Variants in TMEM71 observed in about 807,000 individuals in gnomAD.
TMEM71 encodes transmembrane protein 71.
Under a neutral mutation model 38.0 loss-of-function variants are expected in TMEM71, and 44 were observed. That is an observed-to-expected ratio of 1.16 (90% CI 0.91 to 1.49). The LOEUF is 1.49. TMEM71 is among the 40% of genes most tolerant of loss of function. TMEM71 has a pLI of 0.00. For missense variants in TMEM71, 367 were observed against 348.6 expected, an observed-to-expected ratio of 1.05 and a Z score of -0.42; for synonymous variants, 133 against 122.5, an observed-to-expected ratio of 1.09 and a Z score of -0.56.
the TMEM71 span, among the ~76,000 whole-genome samples, chr8:132,775,826 C>T: frequency 6.6e-6 from 1 of 152,110 alleles, no homozygotes. Flanking sequence ...TACCCCCCTG[C>T]GGAGGGCCGG....
At chr8:132,769,640 G>A in the TMEM71 span, among the ~76,000 whole-genome samples, 6 of 152,284 alleles carry the variant, frequency 3.9e-5, no homozygotes, top group South Asian at 1.2e-3. Flanking sequence ...GAAGAAACAT[G>A]AGAGAGATGA....
intron 7 of TMEM71, among the ~76,000 whole-genome samples, chr8:132,719,002 G>A (rs1826691026): frequency 6.6e-6 from 1 of 152,150 alleles, no homozygotes; most frequent in African/African-American, 2.4e-5. Context: ...ATATCCTTTG[G>A]AAATCTCTTT....
At chr8:132,723,581 T>C (rs920833599) in intron 6 of TMEM71, among the ~76,000 whole-genome samples, 4 of 152,362 alleles carry the variant, frequency 2.6e-5, no homozygotes, top group African/African-American at 7.2e-5. Context: ...CTTGTTCATA[T>C]CTCTGCTAAC....
chr8:132,758,156 A>T (rs1829137933), intron 2 of TMEM71: 1 of 152,244 alleles, frequency 6.6e-6, no homozygotes, highest in Non-Finnish European at 1.5e-5. Context: ...TCTTAATTAT[A>T]GAAACATCAT....
At chr8:132,712,038 G>A (rs559941434) in intron 9 of TMEM71, among the ~76,000 whole-genome samples, 1 of 151,950 alleles carries the variant, frequency 6.6e-6, no homozygotes, top group Non-Finnish European at 1.5e-5. Flanking sequence ...CAGAGCTCTT[G>A]GCTTTCAAGG....
downstream of TMEM71, among the ~76,000 whole-genome samples, chr8:132,707,992 A>C (rs1381516540): frequency 6.6e-6 from 1 of 152,170 alleles, no homozygotes; most frequent in African/African-American, 2.4e-5. Flanking sequence ...ATATTTACTG[A>C]ATGTATTAAT....
At chr8:132,756,372 C>A (rs1829002303) in intron 3 of TMEM71, among the ~76,000 whole-genome samples, 2 of 139,116 alleles carry the variant, frequency 1.4e-5, no homozygotes, top group Admixed American at 7.4e-5. Context: ...ACCAGAGAAA[C>A]AATTCACAAC....
intron 5 of TMEM71, 123 bp from the exon 6 acceptor site, chr8:132,728,109 C>A (rs750862226): frequency 1.5e-6 from 1 of 667,720 alleles, no homozygotes; most frequent in African/African-American, 1.8e-5. Flanking sequence ...AATATTGATA[C>A]GGTATTGCAC....
chr8:132,762,555 G>T (rs1202543127), upstream of TMEM71, among the ~76,000 whole-genome samples: 1 of 151,960 alleles, frequency 6.6e-6, no homozygotes, highest in African/African-American at 2.4e-5. Flanking sequence ...ACTTTAAGGA[G>T]TGCTTACTAT....
chr8:132,754,022 T>C (rs1466182282), intron 3 of TMEM71, among the ~76,000 whole-genome samples: 3 of 152,328 alleles, frequency 2.0e-5, no homozygotes, highest in Admixed American at 6.5e-5. Flanking sequence ...CATGATGTAG[T>C]TTTGATCCCT....
chr8:132,774,829 T>C, the TMEM71 span, among the ~76,000 whole-genome samples: 1 of 152,258 alleles, frequency 6.6e-6, no homozygotes, highest in South Asian at 2.1e-4. Flanking sequence ...AGCACGCGCG[T>C]ACACACATCT....
At chr8:132,749,751 C>T (rs1405500389) in intron 4 of TMEM71, among the ~76,000 whole-genome samples, 1 of 152,156 alleles carries the variant, frequency 6.6e-6, no homozygotes, top group African/African-American at 2.4e-5. Flanking sequence ...CACAGTGGCT[C>T]ACACCTGTAA....
chr8:132,738,863 C>CACAA (rs1339414190), intron 5 of TMEM71, among the ~76,000 whole-genome samples: 1 of 63,660 alleles, frequency 1.6e-5, no homozygotes, highest in Non-Finnish European at 3.3e-5. Flanking sequence ...TACATGCACA[C>CACAA]ACACACACAC....
intron 4 of TMEM71, among the ~76,000 whole-genome samples, chr8:132,747,445 C>T (rs1393157802): frequency 1.3e-5 from 2 of 152,216 alleles, no homozygotes; most frequent in African/African-American, 4.8e-5. Context: ...ACATTATCTT[C>T]AGAACAACTG....
intron 5 of TMEM71, among the ~76,000 whole-genome samples, chr8:132,741,233 C>T (rs879632450): frequency 1.1e-4 from 17 of 152,016 alleles, no homozygotes; most frequent in Non-Finnish European, 1.6e-4. Flanking sequence ...TGTGGTGGCG[C>T]GTGCCTGTAA....
rs750862226 is a variant in TMEM71, at chr8:132,728,109, C to T, written c.488-123G>A. The T allele has an allele frequency of 1.1e-4, 73 of 667,602 alleles. 1 individual carries two copies. The Middle Eastern group carries it at 1.3e-3, about 12-fold the overall frequency. The allele number at this position is 667,602 out of a possible 1,614,324, so 41.4% of individuals were successfully genotyped here. A position where few individuals can be genotyped will look rare whatever the true frequency, so the allele number is the denominator to read the frequency against. ...AATCACAAAAATAGTAATATTGATA[C>T]GGTATTGCACTACCATAGTGGGATG... On this transcript the variant is annotated intron_variant, in intron 5 of 9. Coordinates refer to ENST00000677595, the MANE Select transcript of TMEM71 (RefSeq NM_001382403.1).
intron 7 of TMEM71, among the ~76,000 whole-genome samples, chr8:132,720,695 T>G (rs1024641991): frequency 2.0e-5 from 3 of 152,198 alleles, no homozygotes; most frequent in Non-Finnish European, 4.4e-5. Context: ...TAGGACTTTG[T>G]ATTTAAAAAA....
intron 6 of TMEM71, among the ~76,000 whole-genome samples, chr8:132,725,504 T>G (rs912916768): frequency 1.3e-5 from 2 of 152,208 alleles, no homozygotes; most frequent in African/African-American, 2.4e-5. Context: ...TAAATTCTAT[T>G]GATTAATCCA....
chr8:132,746,478 TATATATATAC>T (rs1157757090), intron 5 of TMEM71, among the ~76,000 whole-genome samples: 932 of 14,058 alleles, frequency 0.066, 5 homozygotes, highest in Non-Finnish European at 0.088. Context: ...TATATATACA[TATATATATAC>T]ATATATATAC....
Sources: allele counts gnomAD v4.1 joint callset (sites outside exome capture counted in the v4.1 genomes callset), GRCh38; gene constraint gnomAD v4.1.1; transcripts MANE v1.5; gene names NCBI Gene and HGNC (gene_info 2026-07-23, HGNC 2026-07-21).